The following VPS13C variants were observed in gnomAD, a reference collection of about 807,000 sequenced individuals.
The protein encoded by VPS13C is vacuolar protein sorting 13 homolog C.
A neutral mutation model predicts 456.8 loss-of-function variants in VPS13C; 358 were observed. The ratio of observed to expected loss-of-function variants is 0.78; its 90% CI spans 0.72 to 0.86. The LOEUF is 0.86. VPS13C is among the 40% of genes least tolerant of loss of function. The pLI, the probability that VPS13C is intolerant of heterozygous loss-of-function variation, is 0.00. For synonymous variants in VPS13C, 1,578 were observed against 1,486.7 expected, an observed-to-expected ratio of 1.06 and a Z score of -1.41; for missense variants, 4,818 against 4,385.4, an observed-to-expected ratio of 1.10 and a Z score of -2.79.
intron 37 of VPS13C, among the ~76,000 whole-genome samples, chr15:61,954,978 G>C (rs997406254): frequency 2.6e-5 from 4 of 152,094 alleles, no homozygotes; most frequent in African/African-American, 9.7e-5. Context: ...AATGGAGTTT[G>C]ATATGGTTGA....
Position 62,044,229 on chromosome 15 carries a change from T to A in VPS13C, c.127A>T (p.Ile43Leu), listed in dbSNP as rs1009689306. 2.7e-6 allele frequency: 4 copies of A among 1,484,680 alleles called. No homozygotes were observed. The highest frequency in any genetic ancestry group is 2.3e-5 in the East Asian group (1 of 43,040). 92.0% of individuals were successfully genotyped at this position (1,484,680 alleles called of 1,614,324 possible). A position where few individuals can be genotyped will look rare whatever the true frequency, so the allele number is the denominator to read the frequency against. ...AAACTTACCAGGGCATTTTCTTTTA[T>A]CTGTAGATTATCTAAAGCCACATTT... The part of the protein sequence containing the change: ...GGNVALDNLQ[I>L]KENALSELDV... Residue 43 changes from isoleucine (I) to leucine (L), a missense_variant, in exon 2 of 85, where the codon ATA (isoleucine) becomes TTA (leucine). This residue lies in a region of VPS13C where 4,552 missense variants were observed against 4,130.6 expected (regional missense o/e 1.10). Transcript: ENST00000644861.
chr15:61,958,484 T>C, intron 37 of VPS13C, 124 bp downstream of exon 37: 1 of 598,674 alleles, frequency 1.7e-6, no homozygotes, highest in Non-Finnish European at 2.9e-6. Context: ...TCTTGTTTGT[T>C]TACTCGGTAA....
intron 4 of VPS13C, among the ~76,000 whole-genome samples, chr15:62,034,267 T>C (rs959160312): frequency 4.0e-5 from 6 of 151,706 alleles, no homozygotes; most frequent in Admixed American, 3.3e-4. Flanking sequence ...ATGTTGTATA[T>C]ATAATGTGGT....
intron 58 of VPS13C, among the ~76,000 whole-genome samples, chr15:61,919,037 G>C (rs1316009224): frequency 1.3e-5 from 2 of 151,968 alleles, no homozygotes; most frequent in East Asian, 1.9e-4. Context: ...TTTTGCATTT[G>C]TCTTAAAAGA....
At chr15:62,030,117 C>T (rs1054411321) in intron 5 of VPS13C, among the ~76,000 whole-genome samples, 8 of 151,974 alleles carry the variant, frequency 5.3e-5, no homozygotes, top group African/African-American at 1.5e-4. Flanking sequence ...TGGGTTTACA[C>T]GATTGGAAAA....
rs1426412273 is a variant in VPS13C, at chr15:61,931,133, T to C, written c.5995A>G (p.Thr1999Ala). The change falls in exon 50 of 85, where the codon ACC becomes GCC. Residue 1999 changes from threonine to alanine, a missense_variant. By Grantham distance (58) the Thr-to-Ala change is moderately conservative. Coordinates refer to ENST00000644861, the MANE Select transcript of VPS13C (RefSeq NM_020821.3). The stretch of plus-strand genomic sequence containing the variant: ...ATTCCTTCTCTGAGATCATCAAGGG[T>C]GCATGTCTTAAGTTTAACGCTGACA... Reference protein sequence around the residue: ...MNVSVKLKTCTLDDLREGIER... With the variant: ...MNVSVKLKTCALDDLREGIER... The C allele has an allele frequency of 3.1e-6, 5 of 1,613,978 alleles. No homozygotes were observed. The highest frequency in any genetic ancestry group is 2.2e-5 in the East Asian group (1 of 44,872).
In VPS13C at chr15:61,966,123, C is replaced by T. The variant is rs376999527; in HGVS notation, c.3011G>A (p.Ser1004Asn). Residue 1004 changes from serine to asparagine, a missense_variant, in exon 30 of 85, where the codon AGT becomes AAT. Transcript: ENST00000644861. ...AGTTTTTCCAAAAGCAGTTTGAAAA[C>T]TAGGTCCATTCTTATCAGCCTGAAA... is the stretch of plus-strand genomic sequence containing the variant. ...EYIKADKNGPSFQTAFGKTEQ... is the reference protein window; with the variant it reads ...EYIKADKNGPNFQTAFGKTEQ... The T allele has an allele frequency of 2.5e-6, 4 of 1,605,164 alleles. No individual in the cohort carries two copies. The African/African-American group carries it at 5.4e-5, about 22-fold the overall frequency.
intron 66 of VPS13C, 69 bp downstream of exon 66, chr15:61,907,195 T>G (rs1229725251): frequency 6.2e-7 from 1 of 1,605,086 alleles, no homozygotes; most frequent in Admixed American, 1.7e-5. Context: ...AAGGAGTCAG[T>G]GAAGATAGCT....
chr15:62,051,375 T>C (rs1217832655), intron 1 of VPS13C, among the ~76,000 whole-genome samples: 1 of 152,200 alleles, frequency 6.6e-6, no homozygotes, highest in Non-Finnish European at 1.5e-5. Flanking sequence ...CACAGCCTCC[T>C]GGGCAAGAAA....
intron 12 of VPS13C, among the ~76,000 whole-genome samples, chr15:62,011,018 AC>A (rs1329925658): frequency 2.8e-4 from 43 of 152,310 alleles, no homozygotes; most frequent in African/African-American, 1.0e-3. Context: ...GAATTTAGTA[AC>A]AAAATCATGA....
intron 6 of VPS13C, among the ~76,000 whole-genome samples, chr15:62,027,540 T>A (rs567924768): frequency 6.6e-6 from 1 of 152,112 alleles, no homozygotes; most frequent in Non-Finnish European, 1.5e-5. Context: ...GTCACATGAA[T>A]CAACCTATTA....
At chr15:62,007,025 A>G (rs1325726908) in intron 15 of VPS13C, among the ~76,000 whole-genome samples, 4 of 152,212 alleles carry the variant, frequency 2.6e-5, no homozygotes, top group Admixed American at 2.0e-4. Flanking sequence ...ATATTTAAAC[A>G]GCTCTGATAC....
At chr15:61,916,135 T>C (rs1265542697) in intron 60 of VPS13C, 113 bp from the exon 61 acceptor site, 5 of 1,178,508 alleles carry the variant, frequency 4.2e-6, no homozygotes, top group Admixed American at 5.7e-5. Flanking sequence ...CTGCTAAGTC[T>C]TCTGTGAAGT....
chr15:61,891,930 T>G (rs2042664755), intron 66 of VPS13C, among the ~76,000 whole-genome samples: 1 of 152,164 alleles, frequency 6.6e-6, no homozygotes, highest in African/African-American at 2.4e-5. Flanking sequence ...AGTGAAAAGC[T>G]CCACGCAGAT....
intron 3 of VPS13C, among the ~76,000 whole-genome samples, chr15:62,039,142 A>G (rs1191685538): frequency 6.6e-6 from 1 of 152,220 alleles, no homozygotes; most frequent in African/African-American, 2.4e-5. Context: ...TCATATGTTT[A>G]TCACAGCACT....
intron 35 of VPS13C, among the ~76,000 whole-genome samples, chr15:61,961,248 C>T (rs944874232): frequency 6.6e-6 from 1 of 151,666 alleles, no homozygotes; most frequent in African/African-American, 2.4e-5. Flanking sequence ...AAAAATTAGC[C>T]AGGCATGGTA....
At chr15:61,931,399 G>T in intron 49 of VPS13C, 140 bp from the exon 50 acceptor site, 2 of 796,430 alleles carry the variant, frequency 2.5e-6, no homozygotes, top group Non-Finnish European at 3.8e-6. Flanking sequence ...ACATCTGAAT[G>T]GAACAGAGAA....
At chr15:62,010,237 T>C (rs1256753256) in intron 13 of VPS13C, among the ~76,000 whole-genome samples, 2 of 151,954 alleles carry the variant, frequency 1.3e-5, no homozygotes, top group African/African-American at 2.4e-5. Flanking sequence ...ATGGAAATAA[T>C]GTCATTCCCT....
chr15:61,900,299 A>T (rs2042957131), intron 66 of VPS13C, among the ~76,000 whole-genome samples: 1 of 152,202 alleles, frequency 6.6e-6, no homozygotes, highest in South Asian at 2.1e-4. Context: ...AGGGTATTCA[A>T]TTAGGAAAAG....
Sources: allele counts gnomAD v4.1 joint callset (sites outside exome capture counted in the v4.1 genomes callset), GRCh38; gene constraint gnomAD v4.1.1; regional missense constraint gnomAD v4.1.1; transcripts MANE v1.5; gene names NCBI Gene and HGNC (gene_info 2026-07-23, HGNC 2026-07-21).